Variants in METAP1D observed in about 807,000 individuals in gnomAD.
METAP1D encodes the protein methionine aminopeptidase 1D, mitochondrial.
In METAP1D, 31 loss-of-function variants were observed where a neutral mutation model predicts 40.5. The ratio of observed to expected loss-of-function variants is 0.77; its 90% CI spans 0.58 to 1.03. The LOEUF (loss-of-function observed/expected upper bound fraction) is 1.03. METAP1D is among the 50% of genes least tolerant of loss of function. The pLI is 0.00. For synonymous variants in METAP1D, 151 were observed against 146.4 expected (o/e 1.03, Z -0.22); for missense variants, 411 against 420.7 (o/e 0.98, Z 0.20).
At chr2:172,067,479 C>T (rs192949525) in intron 5 of METAP1D, among the ~76,000 whole-genome samples, 1 of 152,318 alleles carries the variant, frequency 6.6e-6, no homozygotes, top group African/African-American at 2.4e-5. Context: ...TGAACACTTG[C>T]ACCACATACA....
intron 1 of METAP1D, among the ~76,000 whole-genome samples, chr2:172,037,294 G>GGTGT (rs4027462): frequency 1.9e-4 from 29 of 149,190 alleles, no homozygotes; most frequent in Middle Eastern, 3.4e-3. Context: ...TTTTACTTGG[G>GGTGT]GTGTGTGTGT....
chr2:172,019,050 CCAAA>C (rs1169102590), intron 1 of METAP1D, among the ~76,000 whole-genome samples: 1 of 152,076 alleles, frequency 6.6e-6, no homozygotes, highest in Non-Finnish European at 1.5e-5. Context: ...AAGACAAATA[CCAAA>C]CAAACAAAAG....
chr2:172,030,256 A>AT (rs993242902), intron 1 of METAP1D, among the ~76,000 whole-genome samples: 4 of 149,780 alleles, frequency 2.7e-5, no homozygotes, highest in Non-Finnish European at 4.5e-5. Flanking sequence ...TGCCTGGCTA[A>AT]TTTTTTTTTA....
intron 1 of METAP1D, among the ~76,000 whole-genome samples, chr2:172,000,965 T>A (rs1240747833): frequency 6.6e-6 from 1 of 152,124 alleles, no homozygotes; most frequent in African/African-American, 2.4e-5. Context: ...ATCGTACCAC[T>A]GAACTCCAGA....
At chr2:172,070,009 A>G (rs1005770566) in intron 5 of METAP1D, among the ~76,000 whole-genome samples, 1 of 152,200 alleles carries the variant, frequency 6.6e-6, no homozygotes, top group Non-Finnish European at 1.5e-5. Flanking sequence ...TGAGCAAGAG[A>G]AATGTGAAAA....
At chr2:172,011,913 G>A (rs1688732658) in intron 1 of METAP1D, among the ~76,000 whole-genome samples, 1 of 152,170 alleles carries the variant, frequency 6.6e-6, no homozygotes, top group African/African-American at 2.4e-5. Context: ...TAGATGCAGA[G>A]GGAAGCAAAG....
intron 5 of METAP1D, 36 bp from the exon 6 acceptor site, chr2:172,070,871 A>T (rs1272431164): frequency 2.6e-6 from 4 of 1,541,636 alleles, no homozygotes; most frequent in Non-Finnish European, 3.5e-6. Context: ...AGATTTTTAA[A>T]CAAGGACATA....
At chr2:172,026,628 C>T (rs1376188189) in intron 1 of METAP1D, among the ~76,000 whole-genome samples, 1 of 152,122 alleles carries the variant, frequency 6.6e-6, no homozygotes, top group Non-Finnish European at 1.5e-5. Flanking sequence ...CTGTAGAAAC[C>T]AGAAAGGCTT....
chr2:172,076,874 G>T (rs1690558720), intron 6 of METAP1D, among the ~76,000 whole-genome samples: 1 of 152,204 alleles, frequency 6.6e-6, no homozygotes, highest in South Asian at 2.1e-4. Flanking sequence ...TTGTCCACAT[G>T]AAAATATAAA....
At chr2:172,037,864 T>C (rs536568311) in intron 1 of METAP1D, among the ~76,000 whole-genome samples, 5 of 152,338 alleles carry the variant, frequency 3.3e-5, no homozygotes, top group African/African-American at 1.2e-4. Flanking sequence ...GCAGGGTTGC[T>C]TGAACTTCAA....
intron 1 of METAP1D, among the ~76,000 whole-genome samples, chr2:172,003,225 C>T (rs532111864): frequency 2.9e-4 from 44 of 152,202 alleles, no homozygotes; most frequent in Admixed American, 2.7e-3. Context: ...TAACAAGGGC[C>T]TTTAAGGGAC....
chr2:172,027,461 T>G (rs1439291811), intron 1 of METAP1D, among the ~76,000 whole-genome samples: 5 of 152,234 alleles, frequency 3.3e-5, no homozygotes, highest in Non-Finnish European at 7.3e-5. Flanking sequence ...CTATCCCATA[T>G]AGCATAGGGA....
intron 1 of METAP1D, among the ~76,000 whole-genome samples, chr2:172,038,973 A>G (rs1392301027): frequency 6.6e-6 from 1 of 152,202 alleles, no homozygotes; most frequent in Non-Finnish European, 1.5e-5. Context: ...TTTGGTAGTG[A>G]TGAAACATTA....
intron 1 of METAP1D, among the ~76,000 whole-genome samples, chr2:172,028,820 G>A (rs1689178537): frequency 6.6e-6 from 1 of 152,104 alleles, no homozygotes; most frequent in Non-Finnish European, 1.5e-5. Flanking sequence ...TTATACCTAT[G>A]AATTCCCTGT....
At position 172,058,724 on chromosome 2, in the gene METAP1D, C is replaced by G. The variant is rs12622144; in HGVS notation, c.41-2774C>G. Among the ~76,000 whole-genome samples the G allele has an allele frequency of 0.037, 5,700 of 152,208 alleles. 623 individuals are homozygous for G. In the East Asian group the frequency reaches 0.45, roughly 12 times the overall value. ...AGAAATGATATTACTGACATTTTGT[C>G]TAGTGCTTGAAATTGTTTAAAATAG... On this transcript the variant is annotated intron_variant, in intron 1 of 9. Coordinates refer to ENST00000315796, the MANE Select transcript of METAP1D (RefSeq NM_199227.3).
At chr2:172,012,321 T>C (rs1688748960) in intron 1 of METAP1D, among the ~76,000 whole-genome samples, 1 of 152,160 alleles carries the variant, frequency 6.6e-6, no homozygotes. Flanking sequence ...GTTCAGGACA[T>C]CGCCCGAGCG....
In METAP1D at chr2:172,016,275, C is replaced by CAAAAAAAA. The variant is rs1172458646; in HGVS notation, c.40+16285_40+16292dup. 1.9e-3 allele frequency among the ~76,000 whole-genome samples: 18 copies of CAAAAAAAA among 9,728 alleles called. 2 individuals carry two copies. The highest frequency in any genetic ancestry group is 2.7e-3 in the East Asian group (3 of 1,094). The allele number at this position is 9,728 out of a possible 152,430, so 6.4% of individuals were successfully genotyped here. On this transcript the variant is annotated intron_variant, in intron 1 of 9. Transcript: ENST00000315796. The stretch of plus-strand genomic sequence containing the variant: ...TGGGTGACAGAGTGAGACCCTGTCT[C>CAAAAAAAA]AAAAAAAAAAAAAAAAAAAAAAAAA...
intron 6 of METAP1D, chr2:172,072,252 A>G (rs1690438715): frequency 6.0e-6 from 1 of 166,914 alleles, no homozygotes; most frequent in Non-Finnish European, 1.5e-5. Flanking sequence ...ATTTTTGCAA[A>G]TGGGATGAGT....
intron 1 of METAP1D, among the ~76,000 whole-genome samples, chr2:172,035,859 G>A (rs1376452799): frequency 2.0e-5 from 3 of 151,654 alleles, no homozygotes; most frequent in Non-Finnish European, 2.9e-5. Flanking sequence ...TGTTGCCCAG[G>A]CTGATCTCGA....
Sources: gnomAD v4.1 joint callset for allele counts (sites outside exome capture counted in the v4.1 genomes callset) on GRCh38, gnomAD v4.1.1 for gene constraint, MANE v1.5 for transcripts, NCBI Gene and HGNC (gene_info 2026-07-23, HGNC 2026-07-21) for gene names.